Variants in NFATC2 observed in about 807,000 individuals in gnomAD.
The protein encoded by NFATC2 is nuclear factor of activated T cells 2, also known as nuclear factor of activated T-cells, cytoplasmic 2.
NFATC2 carries 22 observed loss-of-function variants against 87.3 expected under a neutral mutation model. The ratio of observed to expected loss-of-function variants is 0.25; its 90% CI spans 0.18 to 0.36. The LOEUF (loss-of-function observed/expected upper bound fraction) is 0.36. Among genes scored for constraint, NFATC2 ranks in the 10% least tolerant of loss-of-function variants. The pLI is 1.00. For synonymous variants in NFATC2, 565 were observed against 542.2 expected, an observed-to-expected ratio of 1.04 and a Z score of -0.58; for missense variants, 1,149 against 1,259.1, an observed-to-expected ratio of 0.91 and a Z score of 1.32.
rs1048158096 is a variant in NFATC2 at position 51,562,349 on chromosome 20, C to T, written c.70+211G>A. Among the ~76,000 whole-genome samples, 8 of 152,290 alleles carry T rather than the reference C, an allele frequency of 5.3e-5. No individual in the cohort carries two copies. The highest frequency in any genetic ancestry group is 3.4e-3 in the Middle Eastern group (1 of 294). ...CTTCCCTGCCCCCGCGTAAAGTTGT[C>T]CAAAGTCGCCTTCCCAAGTGTCCCT... On this transcript the variant is annotated intron_variant, in intron 1 of 10. Coordinates refer to the NFATC2 transcript ENST00000414705. The surrounding 1 kb of genome is among the most constrained non-coding windows in gnomAD (Gnocchi z 5.8).
chr20:51,404,515 G>T (rs1600667167), intron 9 of NFATC2, among the ~76,000 whole-genome samples: 1 of 152,264 alleles, frequency 6.6e-6, no homozygotes, highest in East Asian at 1.9e-4. Context: ...CTGTAATATG[G>T]GAATGCATAT....
chr20:51,444,116 G>A (rs1244414482), intron 6 of NFATC2, among the ~76,000 whole-genome samples: 1 of 151,974 alleles, frequency 6.6e-6, no homozygotes, highest in Non-Finnish European at 1.5e-5. Flanking sequence ...CAAGTAGCTG[G>A]GATTACAGGC....
In NFATC2 at chr20:51,391,322, G is replaced by A; in HGVS notation, c.*174C>T. On this transcript the variant is annotated 3_prime_UTR_variant, in exon 11 of 11. Transcript: ENST00000371564. ...CCGGGCTGGGAGATGAACATGAAAGGAGACAGAAGGTGAGGGGCTGTGGAG... is the reference window on the plus strand; with the variant it reads ...CCGGGCTGGGAGATGAACATGAAAGAAGACAGAAGGTGAGGGGCTGTGGAG... 2 of 1,479,656 alleles carry A rather than the reference G, an allele frequency of 1.4e-6. No homozygotes were observed. The highest frequency in any genetic ancestry group is 1.9e-6 in the Non-Finnish European group (2 of 1,058,058). The allele number at this position is 1,479,656 out of a possible 1,614,324, so 91.7% of individuals were successfully genotyped here.
chr20:51,409,602 C>T (rs6067760), intron 9 of NFATC2, among the ~76,000 whole-genome samples: 129,957 of 152,154 alleles, frequency 0.85, 55,983 homozygotes, highest in South Asian at 0.92. Context: ...TGCCTCCTGA[C>T]GGAGGAACAC....
rs370110136 is a variant in NFATC2, at chr20:51,397,633, T to C, written c.*44+1010A>G. Among the ~76,000 whole-genome samples, 10 of 152,242 alleles carry C rather than the reference T, an allele frequency of 6.6e-5. No homozygotes were observed. In the East Asian group the frequency reaches 7.7e-4, roughly 12 times the overall value. ...CCTGAGGGACTCCCCAGGAGCCGATTCCTCAGATGCAAAAAGTCCTGAGGA... is the reference window on the plus strand; with the variant it reads ...CCTGAGGGACTCCCCAGGAGCCGATCCCTCAGATGCAAAAAGTCCTGAGGA... On this transcript the variant is annotated intron_variant, in intron 10 of 10. Coordinates refer to ENST00000371564, the MANE Select transcript of NFATC2 (RefSeq NM_012340.5).
chr20:51,473,638 G>A (rs1049153096), intron 5 of NFATC2, among the ~76,000 whole-genome samples: 1 of 152,196 alleles, frequency 6.6e-6, no homozygotes, highest in African/African-American at 2.4e-5. Flanking sequence ...AGGGCACCAT[G>A]CACAGCAAAC....
At position 51,465,892 on chromosome 20, in the gene NFATC2, A is replaced by G. The variant is rs76239272; in HGVS notation, c.1708+8088T>C. 9.6e-3 allele frequency among the ~76,000 whole-genome samples: 1,464 copies of G among 152,220 alleles called. 53 individuals carry two copies. In the East Asian group the frequency reaches 0.13, roughly 13 times the overall value. On this transcript the variant is annotated intron_variant, in intron 5 of 10. Coordinates refer to ENST00000371564, the MANE Select transcript of NFATC2 (RefSeq NM_012340.5). The stretch of plus-strand genomic sequence containing the variant: ...TTGCATCCCTAGTGCCCAGAACAGT[A>G]TATATCACATGCCAAATGTATTTTA...
chr20:51,520,457 C>T (rs1445247788), intron 2 of NFATC2, among the ~76,000 whole-genome samples: 2 of 149,450 alleles, frequency 1.3e-5, no homozygotes, highest in East Asian at 3.9e-4. Flanking sequence ...TTTTACAGTC[C>T]ATTTCCGTGT....
chr20:51,426,913 T>C (rs1981920169), intron 9 of NFATC2, among the ~76,000 whole-genome samples: 1 of 152,074 alleles, frequency 6.6e-6, no homozygotes, highest in Admixed American at 6.5e-5. Flanking sequence ...GCACTTTACA[T>C]GAAGAACAGG....
chr20:51,407,985 G>A (rs761203009), intron 9 of NFATC2, among the ~76,000 whole-genome samples: 5 of 152,210 alleles, frequency 3.3e-5, no homozygotes, highest in Non-Finnish European at 5.9e-5. Context: ...AGAGACAGGA[G>A]GGCCAGCCTT....
intron 3 of NFATC2, among the ~76,000 whole-genome samples, chr20:51,484,538 A>G (rs1420178403): frequency 6.6e-6 from 1 of 152,228 alleles, no homozygotes. Flanking sequence ...CCAACGAGCG[A>G]GCAAGGCTAG....
chr20:51,539,780 T>C (rs577480499), intron 1 of NFATC2, among the ~76,000 whole-genome samples: 2 of 152,352 alleles, frequency 1.3e-5, no homozygotes, highest in South Asian at 2.1e-4. Context: ...ATTGCAGGCA[T>C]GAGCCACCAC....
Position 51,542,452 on chromosome 20 carries a change from T to TG in NFATC2, c.47dup (p.Gly17ArgfsTer13). 6.3e-7 allele frequency: 1 copy of TG among 1,576,850 alleles called. No homozygotes were observed. The highest frequency in any genetic ancestry group is 1.8e-5 in the Admixed American group (1 of 54,426). ...GGGGGCTGCCCCCAGGCTCGTGGCC[T>TG]GGGGCGTCCCCGCCGTCGGGTTGGG... On this transcript the variant is annotated frameshift_variant, in exon 1 of 11. Coordinates refer to ENST00000371564, the MANE Select transcript of NFATC2 (RefSeq NM_012340.5). LOFTEE classifies it high-confidence loss of function.
intron 3 of NFATC2, among the ~76,000 whole-genome samples, chr20:51,476,958 A>G (rs1012287108): frequency 2.6e-5 from 4 of 152,320 alleles, no homozygotes; most frequent in East Asian, 3.9e-4. Context: ...AGACTGGTAT[A>G]ACTATTTTAA....
upstream of NFATC2, chr20:51,542,750 GGGGGGGGGGGGGGCGT>G: frequency 1.8e-6 from 1 of 567,902 alleles, no homozygotes; most frequent in Non-Finnish European, 2.0e-6. Context: ...CCGGGGAGGC[GGGGGGGGGGGGGGCGT>G]GGAGGCGGGG....
chr20:51,536,898 A>AACACACAC (rs10648135), intron 1 of NFATC2, among the ~76,000 whole-genome samples: 2,476 of 149,772 alleles, frequency 0.017, 20 homozygotes, highest in Middle Eastern at 0.049. Flanking sequence ...GCAAGCACCA[A>AACACACAC]ACACACACAC....
intron 3 of NFATC2, among the ~76,000 whole-genome samples, chr20:51,500,924 T>C (rs1485664483): frequency 2.4e-5 from 3 of 125,944 alleles, no homozygotes; most frequent in Non-Finnish European, 5.0e-5. Flanking sequence ...AGGAAAAGAA[T>C]GGAGTGGGAA....
intron 9 of NFATC2, among the ~76,000 whole-genome samples, chr20:51,420,117 GAATC>G (rs1192946503): frequency 6.6e-6 from 1 of 151,966 alleles, no homozygotes; most frequent in African/African-American, 2.4e-5. Flanking sequence ...TAAAGGGAAA[GAATC>G]AAGCATTCAT....
chr20:51,440,815 G>C (rs1394085779), intron 6 of NFATC2, among the ~76,000 whole-genome samples: 1 of 152,206 alleles, frequency 6.6e-6, no homozygotes, highest in African/African-American at 2.4e-5. Context: ...ACTCCAGGAG[G>C]CTGGTCTCTA....
Sources: gnomAD v4.1 joint callset for allele counts (sites outside exome capture counted in the v4.1 genomes callset) on GRCh38, gnomAD v4.1.1 for gene constraint, Gnocchi (gnomAD v3.1) non-coding constraint, MANE v1.5 for transcripts, NCBI Gene and HGNC (gene_info 2026-07-23, HGNC 2026-07-21) for gene names.